ETHE1: variants seen among roughly 807,000 people sequenced by gnomAD.
The protein encoded by ETHE1 is persulfide dioxygenase ETHE1, mitochondrial.
ETHE1 carries 16 observed loss-of-function variants against 25.7 expected under a neutral mutation model. The ratio of observed to expected loss-of-function variants is 0.62; its 90% confidence interval spans 0.42 to 0.95. ETHE1 has a LOEUF of 0.95. Among genes scored for constraint, ETHE1 ranks in the 40% least tolerant of loss-of-function variants. ETHE1 has a pLI of 0.00. For missense variants in ETHE1, 300 were observed against 333.6 expected (o/e 0.90, Z 0.79); for synonymous variants, 139 against 135.9 (o/e 1.02, Z -0.16).
intron 4 of ETHE1, 22 bp from the exon 5 acceptor site, chr19:43,508,886 G>T (rs1234814631): frequency 5.1e-6 from 8 of 1,572,994 alleles, no homozygotes; most frequent in East Asian, 4.5e-5. Flanking sequence ...AAGATCAGAG[G>T]TCAGTGGATC....
At chr19:43,514,458 T>C in intron 3 of ETHE1, among the ~76,000 whole-genome samples, 1 of 151,798 alleles carries the variant, frequency 6.6e-6, no homozygotes, top group Non-Finnish European at 1.5e-5. Flanking sequence ...CCCTTTTTCT[T>C]TATAAATGAC....
intron 3 of ETHE1, among the ~76,000 whole-genome samples, chr19:43,517,229 C>T: frequency 6.6e-6 from 1 of 150,702 alleles, no homozygotes; most frequent in Non-Finnish European, 1.5e-5. Context: ...ATATTCAACA[C>T]TCTTGTATAA....
At position 43,509,263 on chromosome 19, in the gene ETHE1, G is replaced by A. The variant is rs185458161; in HGVS notation, c.506-399C>T. 4.5e-3 allele frequency among the ~76,000 whole-genome samples: 691 copies of A among 152,258 alleles called. 8 individuals carry two copies. The highest frequency in any genetic ancestry group is 0.015 in the African/African-American group (634 of 41,564). ...TGTAATCCTAGCACTTTGGGAGGCTGAGGTGGGTGGACTACCTGAGGTCAG... is the reference window on the plus strand; with the variant it reads ...TGTAATCCTAGCACTTTGGGAGGCTAAGGTGGGTGGACTACCTGAGGTCAG... On this transcript the variant is annotated intron_variant, in intron 4 of 6. Coordinates refer to ENST00000292147, the MANE Select transcript of ETHE1 (RefSeq NM_014297.5).
chr19:43,520,779 C>A (rs961940225), intron 3 of ETHE1, among the ~76,000 whole-genome samples: 4 of 151,894 alleles, frequency 2.6e-5, no homozygotes, highest in Non-Finnish European at 5.9e-5. Context: ...AAAAATTACT[C>A]GTTTCACAAT....
chr19:43,512,817 T>G (rs915533172), intron 3 of ETHE1, among the ~76,000 whole-genome samples: 1 of 152,162 alleles, frequency 6.6e-6, no homozygotes, highest in African/African-American at 2.4e-5. Flanking sequence ...AGGAGCCAAA[T>G]GTTAATCACC....
chr19:43,525,311 T>C (rs916482417), intron 3 of ETHE1, among the ~76,000 whole-genome samples: 1 of 152,140 alleles, frequency 6.6e-6, no homozygotes, highest in Admixed American at 6.5e-5. Flanking sequence ...TCTGTAACCA[T>C]TGTAGCTGAA....
At chr19:43,510,195 C>A (rs548412823) in intron 4 of ETHE1, among the ~76,000 whole-genome samples, 60 of 152,238 alleles carry the variant, frequency 3.9e-4, no homozygotes, top group African/African-American at 1.4e-3. Flanking sequence ...AAGGATGGCC[C>A]AACCCTGAGA....
Position 43,526,671 on chromosome 19 carries a change from G to C in ETHE1, c.82-12C>G. Reference sequence around the variant, plus strand: ...ACAGGCTCGAACATCTGGGAACGGGGGACCCAGGTGAGGGCGCAGAACCGG... The same window carrying C: ...ACAGGCTCGAACATCTGGGAACGGGCGACCCAGGTGAGGGCGCAGAACCGG... On this transcript the variant is annotated splice_polypyrimidine_tract_variant and intron_variant, in intron 1 of 6. Coordinates refer to ENST00000292147, the MANE Select transcript of ETHE1 (RefSeq NM_014297.5). The C allele has an allele frequency of 6.2e-7, 1 of 1,613,016 alleles. No individual in the cohort carries two copies. The highest frequency in any genetic ancestry group is 1.3e-5 in the African/African-American group (1 of 75,010).
chr19:43,524,144 G>A (rs561674246), intron 3 of ETHE1, among the ~76,000 whole-genome samples: 5 of 151,138 alleles, frequency 3.3e-5, no homozygotes, highest in Admixed American at 2.0e-4. Context: ...CTGAGGTTGC[G>A]CTAAGCTGAG....
rs953801868 is a variant in ETHE1 at position 43,524,621 on chromosome 19, T to C, written c.375+1580A>G. On this transcript the variant is annotated intron_variant, in intron 3 of 6. Coordinates refer to ENST00000292147, the MANE Select transcript of ETHE1 (RefSeq NM_014297.5). ...ATAAAGCTATTAAGCCTGGGCAACA[T>C]AGTGAGATTACAGCTCAACAAAAAA... 5.3e-5 allele frequency among the ~76,000 whole-genome samples: 8 copies of C among 152,012 alleles called. No individual in the cohort carries two copies. In the East Asian group the frequency reaches 5.8e-4, roughly 11 times the overall value.
At chr19:43,514,268 T>TC (rs1262749414) in intron 3 of ETHE1, among the ~76,000 whole-genome samples, 1 of 151,992 alleles carries the variant, frequency 6.6e-6, no homozygotes, top group African/African-American at 2.4e-5. Context: ...GGTGGGTTTT[T>TC]CCCATGCTAT....
chr19:43,511,762 C>T (rs935900723), intron 3 of ETHE1, among the ~76,000 whole-genome samples, 196 bp from the exon 4 acceptor site: 6 of 152,160 alleles, frequency 3.9e-5, no homozygotes. Flanking sequence ...AAAAATAAAA[C>T]CGCAAAGCTG....
intron 5 of ETHE1, among the ~76,000 whole-genome samples, chr19:43,508,343 TC>T (rs1971836632): frequency 8.6e-6 from 1 of 116,352 alleles, no homozygotes; most frequent in Non-Finnish European, 1.8e-5. Flanking sequence ...AAGCACTTTA[TC>T]TCTTTTTTTT....
intron 3 of ETHE1, among the ~76,000 whole-genome samples, chr19:43,525,154 GA>G (rs71890992): frequency 0.09 from 12,089 of 133,974 alleles, 767 homozygotes; most frequent in East Asian, 0.34. Context: ...AAGAAAGAAA[GA>G]AAAAAAAAAA....
chr19:43,515,353 GTTGC>G (rs1971998361), intron 3 of ETHE1, among the ~76,000 whole-genome samples: 1 of 150,392 alleles, frequency 6.6e-6, no homozygotes, highest in African/African-American at 2.5e-5. Flanking sequence ...GGAGGCGGAG[GTTGC>G]AGTGAGCCAA....
chr19:43,512,460 A>C (rs1366407092), intron 3 of ETHE1, among the ~76,000 whole-genome samples: 1 of 152,180 alleles, frequency 6.6e-6, no homozygotes, highest in Non-Finnish European at 1.5e-5. Flanking sequence ...GTTATGTGTT[A>C]GCAAAGAGAC....
chr19:43,515,577 T>C (rs1428578218), intron 3 of ETHE1, among the ~76,000 whole-genome samples: 1 of 151,836 alleles, frequency 6.6e-6, no homozygotes, highest in Non-Finnish European at 1.5e-5. Flanking sequence ...AAATACTGTT[T>C]TGTTTTGTTT....
intron 3 of ETHE1, 134 bp downstream of exon 3, chr19:43,526,067 C>A: frequency 7.3e-7 from 1 of 1,378,652 alleles, no homozygotes. Flanking sequence ...GAAATATGAG[C>A]TCAGGGGTCA....
chr19:43,520,045 CAAAA>C (rs35862147), intron 3 of ETHE1, among the ~76,000 whole-genome samples: 17 of 118,724 alleles, frequency 1.4e-4, no homozygotes, highest in African/African-American at 4.3e-4. Context: ...GACCCCCACC[CAAAA>C]AAAAAAAAAA....
Sources: allele counts gnomAD v4.1 joint callset (sites outside exome capture counted in the v4.1 genomes callset), GRCh38; gene constraint gnomAD v4.1.1; transcripts MANE v1.5; gene names NCBI Gene and HGNC (gene_info 2026-07-23, HGNC 2026-07-21).